Variants in COL15A1 observed in about 807,000 individuals in gnomAD.
COL15A1 encodes the protein collagen type XV alpha 1 chain, also known as collagen alpha-1(XV) chain.
A neutral mutation model predicts 165.9 loss-of-function variants in COL15A1; 111 were observed. The ratio of observed to expected loss-of-function variants is 0.67; its 90% confidence interval spans 0.57 to 0.78. The LOEUF is 0.78. Among genes scored for constraint, COL15A1 ranks in the 30% least tolerant of loss-of-function variants. The probability of loss-of-function intolerance (pLI) is 0.00; values close to 1 mark genes in which losing one functional copy is unlikely to be tolerated. For synonymous variants in COL15A1, 659 were observed against 674.8 expected, an observed-to-expected ratio of 0.98 and a Z score of 0.36; for missense variants, 1,745 against 1,789.7, an observed-to-expected ratio of 0.98 and a Z score of 0.45.
chr9:99,056,385 T>C lies in COL15A1; in HGVS notation c.3318T>C (p.Pro1106=). 1 of 1,612,022 alleles carries C rather than the reference T, an allele frequency of 6.2e-7. No individual in the cohort carries two copies. ...GPPGPPGPPG[P]PAILGAAVAL... is the part of the protein sequence containing the mutation. Reference sequence around the variant, plus strand: ...CGGGGCCCCCGGGGCCACCAGGACCTCCAGCTATCCTGGGAGCAGGTTAGT... The same window carrying C: ...CGGGGCCCCCGGGGCCACCAGGACCCCCAGCTATCCTGGGAGCAGGTTAGT... The change falls in exon 35 of 42, where the codon CCT becomes CCC. Residue 1106 remains proline (P), a synonymous_variant. Coordinates refer to ENST00000375001, the MANE Select transcript of COL15A1 (RefSeq NM_001855.5).
chr9:98,985,921 T>G lies in COL15A1; in HGVS notation c.457T>G (p.Ser153Ala). The G allele has an allele frequency of 6.2e-7, 1 of 1,613,956 alleles. No individual in the cohort carries two copies. Among genetic ancestry groups the G allele is most frequent in the Non-Finnish European group, 8.5e-7 (1 of 1,180,024 alleles). ...TGTGTCCCAAGAGGCTGCTGCCTTC[T>G]CGGTGCCTGTGATGACCCACAGGTG... ...SHVSQEAAAFSVPVMTHRWNR... is the reference protein window; with the variant it reads ...SHVSQEAAAFAVPVMTHRWNR... The change falls in exon 3 of 42, where the codon TCG becomes GCG. Residue 153 changes from serine (S) to alanine (A), a missense_variant. By Grantham distance (99) the Ser-to-Ala change is moderately conservative. Coordinates refer to ENST00000375001, the MANE Select transcript of COL15A1 (RefSeq NM_001855.5).
At chr9:98,996,813 C>A in intron 5 of COL15A1, 121 bp from the exon 6 acceptor site, 3 of 1,443,044 alleles carry the variant, frequency 2.1e-6, no homozygotes, top group Non-Finnish European at 2.8e-6. Flanking sequence ...TGGGGCCAAG[C>A]TTTCCCCTTG....
At chr9:99,016,159 T>A in intron 11 of COL15A1, 40 bp downstream of exon 11, 3 of 1,544,442 alleles carry the variant, frequency 1.9e-6, no homozygotes, top group Non-Finnish European at 2.6e-6. Context: ...TTGGCAGACC[T>A]TACAGGGGAG....
Position 99,023,416 on chromosome 9 carries a change from T to C in COL15A1, c.1821T>C (p.Ser607=). 6.5e-7 allele frequency: 1 copy of C among 1,540,170 alleles called. No homozygotes were observed. Among genetic ancestry groups the C allele is most frequent in the Non-Finnish European group, 9.0e-7 (1 of 1,113,506 alleles). ...GGGGCTCGGACGTCGGCTCTGGCTC[T>C]GGTGACCTGGTGGGCAGTGAGCAGC... The part of the protein sequence containing the change: ...LGWGSDVGSG[S]GDLVGSEQLL... Residue 607 remains serine (S), a synonymous_variant, in exon 14 of 42, where the codon TCT becomes TCC. Coordinates refer to ENST00000375001, the MANE Select transcript of COL15A1 (RefSeq NM_001855.5).
chr9:99,049,001 G>T (rs1051670222), intron 28 of COL15A1, among the ~76,000 whole-genome samples: 1 of 152,040 alleles, frequency 6.6e-6, no homozygotes. Context: ...AGCATTAGGG[G>T]TTGAGTCTCA....
chr9:99,028,496 C>G (rs1027468890), intron 16 of COL15A1, among the ~76,000 whole-genome samples: 1 of 151,928 alleles, frequency 6.6e-6, no homozygotes, highest in Non-Finnish European at 1.5e-5. Context: ...ACTAAAAATA[C>G]AAAAATTAGC....
At chr9:99,059,335 A>G (rs1825773875) in intron 35 of COL15A1, among the ~76,000 whole-genome samples, 1 of 152,222 alleles carries the variant, frequency 6.6e-6, no homozygotes, top group South Asian at 2.1e-4. Flanking sequence ...GCAGATGAGG[A>G]AACAGCTTTG....
At chr9:99,014,666 T>C (rs1407124965) in intron 9 of COL15A1, among the ~76,000 whole-genome samples, 1 of 152,210 alleles carries the variant, frequency 6.6e-6, no homozygotes, top group African/African-American at 2.4e-5. Flanking sequence ...GTAGTTTATT[T>C]TGCAAAGGTC....
intron 22 of COL15A1, 61 bp from the exon 23 acceptor site, chr9:99,040,460 T>A: frequency 1.2e-6 from 2 of 1,611,092 alleles, no homozygotes; most frequent in South Asian, 2.2e-5. Context: ...AGGGAGGGGG[T>A]CCTGCTGACT....
At chr9:99,053,349 C>CT (rs1839622822) in intron 31 of COL15A1, among the ~76,000 whole-genome samples, 1 of 152,228 alleles carries the variant, frequency 6.6e-6, no homozygotes, top group African/African-American at 2.4e-5. Context: ...TTTGCAAACT[C>CT]TATGCTTAGA....
At chr9:98,984,978 G>A (rs746493644) in intron 2 of COL15A1, among the ~76,000 whole-genome samples, 10 of 152,156 alleles carry the variant, frequency 6.6e-5, no homozygotes, top group Non-Finnish European at 1.3e-4. Context: ...TTTTAGTAGA[G>A]ACGAGGTTTC....
chr9:99,007,993 A>G (rs1838790929), intron 9 of COL15A1, among the ~76,000 whole-genome samples: 1 of 152,256 alleles, frequency 6.6e-6, no homozygotes, highest in Non-Finnish European at 1.5e-5. Context: ...TTCTCTTTCC[A>G]GTCCCATTTT....
intron 31 of COL15A1, among the ~76,000 whole-genome samples, chr9:99,052,680 A>G (rs1244792093): frequency 1.3e-5 from 2 of 152,112 alleles, no homozygotes; most frequent in Non-Finnish European, 2.9e-5. Flanking sequence ...TGTTCTTTCA[A>G]TTGTTCATTT....
chr9:98,944,421 G>A (rs1008224362), intron 2 of COL15A1, among the ~76,000 whole-genome samples, 171 bp downstream of exon 2: 12 of 152,218 alleles, frequency 7.9e-5, no homozygotes, highest in African/African-American at 2.9e-4. Context: ...GGCAGTGCAG[G>A]GGTTATAGCT....
chr9:98,966,883 A>T (rs1300998255), intron 2 of COL15A1, among the ~76,000 whole-genome samples: 1 of 152,204 alleles, frequency 6.6e-6, no homozygotes, highest in Non-Finnish European at 1.5e-5. Context: ...ACTTGTGACA[A>T]CTACTGGCAT....
At chr9:99,029,785 C>A (rs939548146) in intron 16 of COL15A1, among the ~76,000 whole-genome samples, 1 of 152,044 alleles carries the variant, frequency 6.6e-6, no homozygotes, top group African/African-American at 2.4e-5. Flanking sequence ...ATTAGCTGGG[C>A]ATGGTGGTGG....
At chr9:99,068,105 A>C (rs1825924473) in intron 40 of COL15A1, among the ~76,000 whole-genome samples, 1 of 152,128 alleles carries the variant, frequency 6.6e-6, no homozygotes, top group Non-Finnish European at 1.5e-5. Context: ...TTGAGTTTTC[A>C]CTCTGTCCAG....
At chr9:99,006,940 T>A (rs1432683790) in intron 9 of COL15A1, among the ~76,000 whole-genome samples, 2 of 152,236 alleles carry the variant, frequency 1.3e-5, no homozygotes, top group African/African-American at 4.8e-5. Flanking sequence ...AGGATGCACC[T>A]GTGACACAGC....
At chr9:98,977,421 G>C (rs1210783112) in intron 2 of COL15A1, among the ~76,000 whole-genome samples, 1 of 152,230 alleles carries the variant, frequency 6.6e-6, no homozygotes, top group Non-Finnish European at 1.5e-5. Flanking sequence ...CCTGGTGGCT[G>C]CCTAAACAGG....
Sources: gnomAD v4.1 joint callset for allele counts (sites outside exome capture counted in the v4.1 genomes callset) on GRCh38, gnomAD v4.1.1 for gene constraint, MANE v1.5 for transcripts, NCBI Gene and HGNC (gene_info 2026-07-23, HGNC 2026-07-21) for gene names.